Variants in COMMD10 observed in about 807,000 individuals in gnomAD.
COMMD10 encodes COMM domain containing 10.
In COMMD10, 33 loss-of-function variants were observed where a neutral mutation model predicts 28.9. That is an observed-to-expected ratio of 1.14 (90% CI 0.87 to 1.53). The LOEUF (loss-of-function observed/expected upper bound fraction) is 1.53, where lower values mean the gene tolerates loss of function less well. Among genes scored for constraint, COMMD10 ranks in the 40% most tolerant of loss-of-function variants. COMMD10 has a pLI of 0.00. For synonymous variants in COMMD10, 110 were observed against 81.7 expected (o/e 1.35, Z -1.87); for missense variants, 310 against 233.4 (o/e 1.33, Z -2.14).
At chr5:116,095,897 C>T (rs1750452279) in intron 4 of COMMD10, among the ~76,000 whole-genome samples, 1 of 151,940 alleles carries the variant, frequency 6.6e-6, no homozygotes, top group South Asian at 2.1e-4. Flanking sequence ...ATTGAATTAC[C>T]ATGTGTTTGT....
intron 5 of COMMD10, among the ~76,000 whole-genome samples, chr5:116,225,619 G>T (rs1226431133): frequency 6.6e-6 from 1 of 151,896 alleles, no homozygotes; most frequent in Non-Finnish European, 1.5e-5. Flanking sequence ...AAAGATTTTG[G>T]CAGATGCTCA....
At chr5:116,137,480 A>T (rs2112777226) in intron 5 of COMMD10, among the ~76,000 whole-genome samples, 1 of 152,206 alleles carries the variant, frequency 6.6e-6, no homozygotes, top group East Asian at 1.9e-4. Flanking sequence ...CATTGGGTAC[A>T]GTTCTCATAA....
intron 5 of COMMD10, chr5:116,255,961 T>G (rs1750272728): frequency 6.6e-6 from 1 of 151,664 alleles, no homozygotes; most frequent in Admixed American, 6.6e-5. Flanking sequence ...AGATCCACTC[T>G]TAATTTTTCT....
intron 5 of COMMD10, among the ~76,000 whole-genome samples, chr5:116,235,913 G>T (rs1749648574): frequency 6.6e-6 from 1 of 152,008 alleles, no homozygotes; most frequent in Non-Finnish European, 1.5e-5. Context: ...CAAGTCTGGT[G>T]GTTTTTAAAA....
At position 116,217,861 on chromosome 5, in the gene COMMD10, G is replaced by C. The variant is rs76542965; in HGVS notation, c.511-73656G>C. 8.1e-3 allele frequency among the ~76,000 whole-genome samples: 1,229 copies of C among 151,850 alleles called. 14 individuals carry two copies. The highest frequency in any genetic ancestry group is 0.016 in the Admixed American group (237 of 15,272). On this transcript the variant is annotated intron_variant, in intron 5 of 6. Transcript: ENST00000274458. Reference sequence around the variant, plus strand: ...CGAAGACACCCTATTAGTGACATATGCCCCTTCCCCACAAAACAACAATGA... The same window carrying C: ...CGAAGACACCCTATTAGTGACATATCCCCCTTCCCCACAAAACAACAATGA...
intron 5 of COMMD10, among the ~76,000 whole-genome samples, chr5:116,186,196 C>T (rs996872784): frequency 6.6e-6 from 1 of 152,124 alleles, no homozygotes; most frequent in Admixed American, 6.6e-5. Flanking sequence ...AACTCTGTTT[C>T]TCACCCCGCA....
chr5:116,158,938 G>A (rs1325099366), intron 5 of COMMD10, among the ~76,000 whole-genome samples: 1 of 150,972 alleles, frequency 6.6e-6, no homozygotes, highest in Non-Finnish European at 1.5e-5. Context: ...ATCTTTTTCA[G>A]TCTTGTCACA....
chr5:116,167,246 A>T (rs1753153202), intron 5 of COMMD10, among the ~76,000 whole-genome samples: 1 of 151,876 alleles, frequency 6.6e-6, no homozygotes, highest in Non-Finnish European at 1.5e-5. Flanking sequence ...TAAGGATATC[A>T]GATTGAATAT....
chr5:116,155,075 A>G (rs72804844), intron 5 of COMMD10, among the ~76,000 whole-genome samples: 8,138 of 152,246 alleles, frequency 0.053, 300 homozygotes, highest in East Asian at 0.15. Context: ...TTTAGCACAC[A>G]TGAGATCCTG....
chr5:116,149,573 T>C (rs983649688), intron 5 of COMMD10, among the ~76,000 whole-genome samples: 22 of 149,104 alleles, frequency 1.5e-4, no homozygotes, highest in African/African-American at 5.0e-4. Flanking sequence ...TGGTATCTCA[T>C]TGTGGTTTTG....
chr5:116,292,794 T>G lies in COMMD10; in HGVS notation c.*305T>G, dbSNP rs970951313. 5.0e-6 allele frequency: 2 copies of G among 399,498 alleles called. No individual in the cohort carries two copies. Among genetic ancestry groups the G allele is most frequent in the East Asian group, 7.1e-5 (2 of 28,078 alleles). 24.7% of individuals were successfully genotyped at this position (399,498 alleles called of 1,614,324 possible). On this transcript the variant is annotated 3_prime_UTR_variant, in exon 7 of 7. Coordinates refer to ENST00000274458, the MANE Select transcript of COMMD10 (RefSeq NM_016144.4). The stretch of plus-strand genomic sequence containing the variant: ...AGTGTTGCTTTCTTGCCTGTCCTGC[T>G]TAGTTTTTACTTGCTGGATGATACC...
chr5:116,280,727 G>A (rs529582979), intron 5 of COMMD10, among the ~76,000 whole-genome samples: 1 of 151,752 alleles, frequency 6.6e-6, no homozygotes, highest in African/African-American at 2.4e-5. Flanking sequence ...ATATCTCTAG[G>A]TTTTTGAACA....
chr5:116,138,328 G>A (rs9942321), intron 5 of COMMD10, among the ~76,000 whole-genome samples: 1 of 151,726 alleles, frequency 6.6e-6, no homozygotes, highest in Non-Finnish European at 1.5e-5. Flanking sequence ...GAATAAAATA[G>A]TCCATAAGAT....
chr5:116,094,833 T>C (rs1750416545), intron 4 of COMMD10, among the ~76,000 whole-genome samples: 1 of 152,198 alleles, frequency 6.6e-6, no homozygotes, highest in African/African-American at 2.4e-5. Context: ...TGGAATAATA[T>C]TCAACCATAA....
intron 5 of COMMD10, among the ~76,000 whole-genome samples, chr5:116,268,231 A>C (rs1750650585): frequency 6.6e-6 from 1 of 151,918 alleles, no homozygotes; most frequent in South Asian, 2.1e-4. Flanking sequence ...AGAATCTACA[A>C]AGAACTTAAA....
At position 116,153,044 on chromosome 5, in the gene COMMD10, A is replaced by G. The variant is rs977730887; in HGVS notation, c.510+18866A>G. The stretch of plus-strand genomic sequence containing the variant: ...TGTTTAATAATAAGACTGCTACTAC[A>G]TAATAGCATATTTGTGCATCTTTTC... On this transcript the variant is annotated intron_variant, in intron 5 of 6. Coordinates refer to ENST00000274458, the MANE Select transcript of COMMD10 (RefSeq NM_016144.4). 2.6e-5 allele frequency among the ~76,000 whole-genome samples: 4 copies of G among 152,096 alleles called. No homozygotes were observed. The South Asian group carries it at 8.3e-4, about 32-fold the overall frequency.
chr5:116,271,623 C>T (rs1222801449), intron 5 of COMMD10, among the ~76,000 whole-genome samples: 1 of 151,710 alleles, frequency 6.6e-6, no homozygotes, highest in Admixed American at 6.6e-5. Context: ...CATTAGTCAT[C>T]TGTGCTGCTG....
intron 4 of COMMD10, among the ~76,000 whole-genome samples, chr5:116,118,109 T>C (rs955978849): frequency 2.6e-5 from 4 of 152,214 alleles, no homozygotes; most frequent in African/African-American, 9.7e-5. Flanking sequence ...TCTAATCTCT[T>C]TACTTCAAAA....
At chr5:116,219,330 G>C (rs1749185523) in intron 5 of COMMD10, among the ~76,000 whole-genome samples, 1 of 152,068 alleles carries the variant, frequency 6.6e-6, no homozygotes, top group South Asian at 2.1e-4. Context: ...TAGTAGTAGT[G>C]CAGTAGGCGG....
Sources: gnomAD v4.1 joint callset for allele counts (sites outside exome capture counted in the v4.1 genomes callset) on GRCh38, gnomAD v4.1.1 for gene constraint, MANE v1.5 for transcripts, NCBI Gene and HGNC (gene_info 2026-07-23, HGNC 2026-07-21) for gene names.